The following ENOX1 variants were observed in gnomAD, a reference collection of about 807,000 sequenced individuals.
ENOX1 encodes ecto-NOX disulfide-thiol exchanger 1.
In ENOX1, 42 loss-of-function variants were observed where a neutral mutation model predicts 82.5. That is an observed-to-expected ratio of 0.51 (90% confidence interval 0.40 to 0.66). The LOEUF (loss-of-function observed/expected upper bound fraction) is 0.66, where lower values mean the gene tolerates loss of function less well. Ranked by LOEUF, ENOX1 falls within the 30% of genes least tolerant of loss-of-function variation. The pLI, the probability that ENOX1 is intolerant of heterozygous loss-of-function variation, is 0.00. For missense variants in ENOX1, 608 were observed against 811.6 expected (o/e 0.75, Z 3.05); for synonymous variants, 271 against 282.2 (o/e 0.96, Z 0.40).
chr13:43,339,416 C>T (rs2048928971), intron 9 of ENOX1, among the ~76,000 whole-genome samples: 1 of 152,168 alleles, frequency 6.6e-6, no homozygotes, highest in Non-Finnish European at 1.5e-5. Flanking sequence ...TCCTATTCAA[C>T]CAATTGGTTA....
chr13:43,617,085 A>G (rs924161528), intron 2 of ENOX1, among the ~76,000 whole-genome samples: 7 of 152,180 alleles, frequency 4.6e-5, no homozygotes, highest in Non-Finnish European at 7.3e-5. Context: ...ACTGTATGAG[A>G]GAGAGATCTA....
intron 1 of ENOX1, among the ~76,000 whole-genome samples, chr13:43,676,028 T>C (rs1255051429): frequency 1.3e-5 from 2 of 152,182 alleles, no homozygotes; most frequent in African/African-American, 4.8e-5. Context: ...ACATTTAAAT[T>C]ATGAACCACA....
chr13:43,507,161 A>G (rs1469984511), intron 2 of ENOX1, among the ~76,000 whole-genome samples: 1 of 151,956 alleles, frequency 6.6e-6, no homozygotes, highest in Non-Finnish European at 1.5e-5. Flanking sequence ...AAACTGAAAG[A>G]GAAATGAAAA....
At chr13:43,561,133 T>C (rs1359163588) in intron 2 of ENOX1, among the ~76,000 whole-genome samples, 3 of 152,166 alleles carry the variant, frequency 2.0e-5, no homozygotes, top group Non-Finnish European at 4.4e-5. Flanking sequence ...ATTCTCAATA[T>C]TCCTGCTTCA....
intron 3 of ENOX1, among the ~76,000 whole-genome samples, chr13:43,438,884 T>G (rs2056190430): frequency 1.3e-5 from 2 of 152,148 alleles, no homozygotes; most frequent in Non-Finnish European, 2.9e-5. Flanking sequence ...CACTGTAGTA[T>G]ACAGTCGATC....
intron 2 of ENOX1, among the ~76,000 whole-genome samples, chr13:43,494,175 A>G (rs1435563513): frequency 6.6e-6 from 1 of 152,074 alleles, no homozygotes; most frequent in Non-Finnish European, 1.5e-5. Flanking sequence ...ACACAACCAA[A>G]CCATATCATC....
chr13:43,618,124 T>G (rs1285511105), intron 2 of ENOX1, among the ~76,000 whole-genome samples: 1 of 152,122 alleles, frequency 6.6e-6, no homozygotes, highest in Non-Finnish European at 1.5e-5. Context: ...TGGACATTTG[T>G]CAGAATGTAT....
chr13:43,374,079 G>GCCTTC (rs1429322410), intron 5 of ENOX1, among the ~76,000 whole-genome samples: 1 of 126,514 alleles, frequency 7.9e-6, no homozygotes, highest in Non-Finnish European at 1.7e-5. Flanking sequence ...CCCCTCCCTT[G>GCCTTC]CCTTCCCTTC....
intron 2 of ENOX1, among the ~76,000 whole-genome samples, chr13:43,560,816 T>C (rs1349531638): frequency 1.3e-5 from 2 of 152,154 alleles, no homozygotes; most frequent in African/African-American, 4.8e-5. Context: ...TTATCTTAGG[T>C]AACAAGGTCA....
intron 2 of ENOX1, among the ~76,000 whole-genome samples, chr13:43,595,431 C>T (rs1039257408): frequency 1.3e-5 from 2 of 151,998 alleles, no homozygotes; most frequent in Non-Finnish European, 2.9e-5. Context: ...TTTTATTATA[C>T]TTTAAGTTCT....
chr13:43,477,417 G>C (rs1319400721), intron 3 of ENOX1, among the ~76,000 whole-genome samples: 1 of 152,054 alleles, frequency 6.6e-6, no homozygotes, highest in Non-Finnish European at 1.5e-5. Flanking sequence ...TCTAAAAAAA[G>C]AAAGCTGTAG....
chr13:43,721,376 C>CT (rs761888585), intron 1 of ENOX1, among the ~76,000 whole-genome samples: 76,865 of 106,940 alleles, frequency 0.72, 31,180 homozygotes, highest in Non-Finnish European at 0.85. Context: ...TATTTTATAT[C>CT]TTTTTTTTTT....
intron 2 of ENOX1, among the ~76,000 whole-genome samples, chr13:43,585,037 A>G (rs1388546569): frequency 6.6e-6 from 1 of 152,240 alleles, no homozygotes; most frequent in Non-Finnish European, 1.5e-5. Flanking sequence ...CTCATAAGGC[A>G]AAAAGGATTA....
chr13:43,531,104 C>CTT (rs568113030), intron 2 of ENOX1, among the ~76,000 whole-genome samples: 1 of 150,302 alleles, frequency 6.7e-6, no homozygotes, highest in African/African-American at 2.4e-5. Context: ...GTAAATAATA[C>CTT]TTTTTTTTTA....
intron 2 of ENOX1, among the ~76,000 whole-genome samples, chr13:43,590,953 T>TATC (rs1261510532): frequency 6.6e-6 from 1 of 152,084 alleles, no homozygotes; most frequent in African/African-American, 2.4e-5. Flanking sequence ...AACCAGGAGG[T>TATC]ATCATTTGAT....
intron 11 of ENOX1, among the ~76,000 whole-genome samples, chr13:43,307,823 TC>T (rs2046953964): frequency 6.6e-6 from 1 of 152,250 alleles, no homozygotes; most frequent in Non-Finnish European, 1.5e-5. Context: ...CAGCCATATG[TC>T]TGGAGAAAGT....
chr13:43,601,163 A>T (rs558484308), intron 2 of ENOX1, among the ~76,000 whole-genome samples: 1 of 152,230 alleles, frequency 6.6e-6, no homozygotes, highest in South Asian at 2.1e-4. Context: ...ATCCAGAAAA[A>T]CATGACCTCA....
intron 3 of ENOX1, among the ~76,000 whole-genome samples, chr13:43,440,886 C>A (rs1268194219): frequency 6.6e-6 from 1 of 152,154 alleles, no homozygotes; most frequent in African/African-American, 2.4e-5. Flanking sequence ...TGTTATCAAA[C>A]AGGTTTTGAA....
intron 1 of ENOX1, among the ~76,000 whole-genome samples, chr13:43,718,515 T>C (rs769917439): frequency 1.1e-4 from 16 of 151,830 alleles, no homozygotes; most frequent in Non-Finnish European, 2.2e-4. Context: ...AACCTGCACA[T>C]GTACCCTTTC....
Sources: allele counts gnomAD v4.1 joint callset (sites outside exome capture counted in the v4.1 genomes callset), GRCh38; gene constraint gnomAD v4.1.1; transcripts MANE v1.5; gene names NCBI Gene and HGNC (gene_info 2026-07-23, HGNC 2026-07-21).